Variants in CBFA2T2 observed in about 807,000 individuals in gnomAD.
CBFA2T2 encodes protein CBFA2T2.
Under a neutral mutation model 62.2 loss-of-function variants are expected in CBFA2T2, and 11 were observed. The observed-to-expected ratio is 0.18, with a 90% CI of 0.11 to 0.29. CBFA2T2 has a LOEUF of 0.29. Among genes scored for constraint, CBFA2T2 ranks in the 10% least tolerant of loss-of-function variants. CBFA2T2 has a pLI of 1.00. For synonymous variants in CBFA2T2, 295 were observed against 287.5 expected, an observed-to-expected ratio of 1.03 and a Z score of -0.27; for missense variants, 592 against 774.1, an observed-to-expected ratio of 0.76 and a Z score of 2.79.
intron 4 of CBFA2T2, 63 bp downstream of exon 4, chr20:33,619,669 G>A: frequency 1.6e-6 from 2 of 1,224,564 alleles, no homozygotes; most frequent in Non-Finnish European, 1.2e-6. Flanking sequence ...GCTAATCCCT[G>A]TTACGTGATT....
intron 1 of CBFA2T2, among the ~76,000 whole-genome samples, chr20:33,546,127 G>T (rs947227553): frequency 2.0e-5 from 3 of 152,104 alleles, no homozygotes; most frequent in African/African-American, 7.2e-5. Flanking sequence ...GAGGGAAGAG[G>T]TGCTTATTTG....
intron 1 of CBFA2T2, among the ~76,000 whole-genome samples, chr20:33,518,526 G>T (rs1324906608): frequency 6.6e-6 from 1 of 151,656 alleles, no homozygotes; most frequent in African/African-American, 2.4e-5. Context: ...ACTTTGGTAG[G>T]CTGAGGCGAG....
chr20:33,515,114 C>T (rs568996825), intron 1 of CBFA2T2, among the ~76,000 whole-genome samples: 29 of 151,676 alleles, frequency 1.9e-4, no homozygotes, highest in South Asian at 1.2e-3. Context: ...TTTGGGAGGC[C>T]GAAGCGGGTG....
intron 1 of CBFA2T2, among the ~76,000 whole-genome samples, chr20:33,512,912 C>T (rs1182186777): frequency 6.6e-6 from 1 of 151,994 alleles, no homozygotes; most frequent in Non-Finnish European, 1.5e-5. Context: ...GCCACCAAGC[C>T]CAGCTAATTT....
At chr20:33,531,289 CCA>C (rs1568803587) in intron 1 of CBFA2T2, among the ~76,000 whole-genome samples, 1 of 152,104 alleles carries the variant, frequency 6.6e-6, no homozygotes, top group Non-Finnish European at 1.5e-5. Context: ...TTGATCTAGA[CCA>C]CAGTTTCAGG....
Position 33,594,285 on chromosome 20 carries a change from A to G in CBFA2T2, c.35-12671A>G, listed in dbSNP as rs1277725014. Among the ~76,000 whole-genome samples the G allele has an allele frequency of 4.6e-5, 7 of 152,118 alleles. No individual in the cohort carries two copies. In the East Asian group the frequency reaches 1.4e-3, roughly 29 times the overall value. On this transcript the variant is annotated intron_variant, in intron 1 of 10. Transcript: ENST00000342704. ...TGCCCAGGCTGGAGTGCAGTGGCGCAACCTCGGCTCACTGCAACCTCTGCC... is the reference window on the plus strand; with the variant it reads ...TGCCCAGGCTGGAGTGCAGTGGCGCGACCTCGGCTCACTGCAACCTCTGCC...
At chr20:33,547,131 C>T (rs932448269) in intron 1 of CBFA2T2, among the ~76,000 whole-genome samples, 5 of 152,068 alleles carry the variant, frequency 3.3e-5, no homozygotes, top group Admixed American at 3.3e-4. Flanking sequence ...ACCCAGGAGG[C>T]AGAGGTTGCA....
At chr20:33,585,451 C>T (rs747427473) in intron 1 of CBFA2T2, among the ~76,000 whole-genome samples, 5 of 152,082 alleles carry the variant, frequency 3.3e-5, no homozygotes, top group Non-Finnish European at 7.4e-5. Context: ...ATATGCATTT[C>T]GCCAAGTGTT....
rs147389893 is a variant in CBFA2T2, at chr20:33,602,064, C to T, written c.35-4892C>T. 5.2e-3 allele frequency among the ~76,000 whole-genome samples: 784 copies of T among 152,208 alleles called. 2 individuals carry two copies. The highest frequency in any genetic ancestry group is 0.014 in the South Asian group (67 of 4,812). On this transcript the variant is annotated intron_variant, in intron 1 of 10. Transcript: ENST00000342704. ...TTATCCTCGTGTCTAGCAATTCTCC[C>T]GTCTCAAGGTGGTTTGGATTACAGG...
intron 1 of CBFA2T2, among the ~76,000 whole-genome samples, chr20:33,531,873 C>T (rs2012071622): frequency 6.6e-6 from 1 of 152,080 alleles, no homozygotes; most frequent in South Asian, 2.1e-4. Flanking sequence ...TGGTAAAGAT[C>T]AAGTTAAAAG....
chr20:33,512,173 T>C (rs1193614041), intron 1 of CBFA2T2, among the ~76,000 whole-genome samples: 3 of 151,952 alleles, frequency 2.0e-5, no homozygotes, highest in Non-Finnish European at 4.4e-5. Flanking sequence ...CGAGACTCTG[T>C]CTTCAAAAAA....
intron 1 of CBFA2T2, among the ~76,000 whole-genome samples, chr20:33,572,361 GAA>G (rs1019448771): frequency 6.6e-6 from 1 of 152,156 alleles, no homozygotes; most frequent in Non-Finnish European, 1.5e-5. Flanking sequence ...TAGAGAAAAA[GAA>G]AGTGATTTTT....
intron 8 of CBFA2T2, among the ~76,000 whole-genome samples, chr20:33,631,841 T>A (rs1237052635): frequency 6.6e-6 from 1 of 152,214 alleles, no homozygotes; most frequent in African/African-American, 2.4e-5. Context: ...TTAGTGTCAT[T>A]TATATGTTTA....
intron 1 of CBFA2T2, among the ~76,000 whole-genome samples, chr20:33,568,853 C>G (rs941357828): frequency 6.6e-6 from 1 of 152,068 alleles, no homozygotes; most frequent in African/African-American, 2.4e-5. Context: ...ACTATAATAC[C>G]CTGAAATCTA....
At chr20:33,642,478 G>A (rs2016894611) in intron 10 of CBFA2T2, among the ~76,000 whole-genome samples, 1 of 152,038 alleles carries the variant, frequency 6.6e-6, no homozygotes, top group South Asian at 2.1e-4. Flanking sequence ...ATGGTGTCAT[G>A]CACCTGTAGT....
At chr20:33,526,312 C>G (rs1329509891) in intron 1 of CBFA2T2, among the ~76,000 whole-genome samples, 2 of 152,080 alleles carry the variant, frequency 1.3e-5, no homozygotes, top group Non-Finnish European at 2.9e-5. Flanking sequence ...ATCAGAAACA[C>G]ATAAAAAAGA....
At chr20:33,492,272 G>A (rs956545981) in intron 1 of CBFA2T2, among the ~76,000 whole-genome samples, 1 of 151,960 alleles carries the variant, frequency 6.6e-6, no homozygotes, top group Non-Finnish European at 1.5e-5. Context: ...ACCCACCTCA[G>A]CCTCCCAAAG....
chr20:33,525,764 A>G (rs974326148), intron 1 of CBFA2T2, among the ~76,000 whole-genome samples: 3 of 151,884 alleles, frequency 2.0e-5, no homozygotes, highest in Admixed American at 2.0e-4. Context: ...CAATTCTCCC[A>G]CTACAGCCTC....
At chr20:33,542,184 G>A (rs191645621) in intron 1 of CBFA2T2, among the ~76,000 whole-genome samples, 100 of 152,310 alleles carry the variant, frequency 6.6e-4, no homozygotes, top group African/African-American at 2.3e-3. Flanking sequence ...ATGAGCTTGA[G>A]TATGTGGGCT....
Sources: allele counts gnomAD v4.1 joint callset (sites outside exome capture counted in the v4.1 genomes callset), GRCh38; gene constraint gnomAD v4.1.1; transcripts MANE v1.5; gene names NCBI Gene and HGNC (gene_info 2026-07-23, HGNC 2026-07-21).